Variants in TENM3 observed in about 807,000 individuals in gnomAD.
The protein encoded by TENM3 is teneurin transmembrane protein 3.
Under a neutral mutation model 255.1 loss-of-function variants are expected in TENM3, and 63 were observed. The ratio of observed to expected loss-of-function variants is 0.25; its 90% CI spans 0.20 to 0.30. The LOEUF is 0.30. Among genes scored for constraint, TENM3 ranks in the 10% least tolerant of loss-of-function variants. The pLI is 1.00. For missense variants in TENM3, 2,929 were observed against 3,461.1 expected (o/e 0.85, Z 3.86); for synonymous variants, 1,306 against 1,322.3 (o/e 0.99, Z 0.27).
At chr4:181,622,978 T>A in the TENM3 span, among the ~76,000 whole-genome samples, 7 of 152,150 alleles carry the variant, frequency 4.6e-5, no homozygotes, top group Admixed American at 3.3e-4. Flanking sequence ...GGCATTACAT[T>A]TTTTAGAAAT....
chr4:182,710,913 G>C (rs1225833445), intron 12 of TENM3, among the ~76,000 whole-genome samples: 4 of 152,134 alleles, frequency 2.6e-5, no homozygotes, highest in Non-Finnish European at 4.4e-5. Context: ...TACAGAAAAA[G>C]ATTCAGTCTT....
chr4:181,497,869 C>T, the TENM3 span, among the ~76,000 whole-genome samples: 1 of 152,222 alleles, frequency 6.6e-6, no homozygotes, highest in East Asian at 1.9e-4. Flanking sequence ...AGGTATTCCA[C>T]TAAAAAGAAA....
chr4:181,686,048 G>A, the TENM3 span, among the ~76,000 whole-genome samples: 4 of 152,140 alleles, frequency 2.6e-5, no homozygotes, highest in African/African-American at 9.7e-5. Context: ...GGATCAGTAT[G>A]CATATTTTTT....
chr4:182,335,750 A>G (rs1764096657), intron 2 of TENM3, among the ~76,000 whole-genome samples: 1 of 152,154 alleles, frequency 6.6e-6, no homozygotes. Flanking sequence ...AAACAAAATC[A>G]CTACATTGGG....
the TENM3 span, among the ~76,000 whole-genome samples, chr4:181,652,477 G>C: frequency 1.8e-4 from 27 of 152,198 alleles, no homozygotes; most frequent in African/African-American, 6.5e-4. Flanking sequence ...CCTCCAAAAT[G>C]CTCTTCATCT....
chr4:182,702,356 T>C (rs1383870270), intron 12 of TENM3, among the ~76,000 whole-genome samples: 1 of 152,190 alleles, frequency 6.6e-6, no homozygotes, highest in Non-Finnish European at 1.5e-5. Context: ...CTTCTCCTGC[T>C]GGTATGGAGC....
chr4:182,564,860 T>C (rs1057339749), intron 3 of TENM3, among the ~76,000 whole-genome samples: 23 of 152,220 alleles, frequency 1.5e-4, no homozygotes, highest in Admixed American at 1.4e-3. Flanking sequence ...AGTGTAATTT[T>C]TAAATATACA....
the TENM3 span, among the ~76,000 whole-genome samples, chr4:182,033,520 C>T: frequency 0.036 from 5,506 of 152,122 alleles, 144 homozygotes; most frequent in Middle Eastern, 0.068. Context: ...TGTTGTTTTT[C>T]GAGGGAGAGT....
At chr4:182,536,084 T>C (rs1740280078) in intron 3 of TENM3, among the ~76,000 whole-genome samples, 2 of 152,210 alleles carry the variant, frequency 1.3e-5, no homozygotes, top group Admixed American at 6.5e-5. Context: ...CGAACAAATA[T>C]GGTGTATTTT....
rs553324524 is a variant in TENM3, at chr4:182,622,278, C to T, written c.750-6373C>T. ...GGAGGCTGAGGCTCCTCCCAGGAGG[C>T]GGAGGTTGCAGTGAGCCGAGATCAC... is the stretch of plus-strand genomic sequence containing the variant. On this transcript the variant is annotated intron_variant, in intron 4 of 27. Coordinates refer to ENST00000511685, the MANE Select transcript of TENM3 (RefSeq NM_001080477.4). 1.7e-4 allele frequency among the ~76,000 whole-genome samples: 25 copies of T among 149,556 alleles called. No individual in the cohort carries two copies. In the East Asian group the frequency reaches 2.6e-3, roughly 15 times the overall value.
At chr4:181,619,850 T>G in the TENM3 span, among the ~76,000 whole-genome samples, 177 of 152,340 alleles carry the variant, frequency 1.2e-3, 1 homozygote, top group African/African-American at 4.0e-3. Flanking sequence ...GGAGCAGGTG[T>G]GTTACTGCTT....
chr4:182,358,481 T>C (rs1580279211), intron 3 of TENM3, among the ~76,000 whole-genome samples: 1 of 147,966 alleles, frequency 6.8e-6, no homozygotes, highest in South Asian at 2.2e-4. Context: ...TTTGAAACAA[T>C]TGTGAATGGG....
At chr4:182,781,212 T>C (rs1485529380) in intron 24 of TENM3, among the ~76,000 whole-genome samples, 4 of 151,082 alleles carry the variant, frequency 2.6e-5, no homozygotes, top group African/African-American at 9.7e-5. Context: ...ATAGCTCTTA[T>C]TATTTTGAGA....
At chr4:182,336,186 T>A (rs1218753941) in intron 2 of TENM3, among the ~76,000 whole-genome samples, 1 of 152,186 alleles carries the variant, frequency 6.6e-6, no homozygotes, top group Non-Finnish European at 1.5e-5. Flanking sequence ...CAGTTCTTCA[T>A]TCAGACACAG....
At chr4:181,721,143 A>G in the TENM3 span, among the ~76,000 whole-genome samples, 2 of 151,988 alleles carry the variant, frequency 1.3e-5, no homozygotes, top group Non-Finnish European at 2.9e-5. Flanking sequence ...AGGGGGGAAC[A>G]TTATGTACAA....
chr4:181,870,886 T>A, the TENM3 span, among the ~76,000 whole-genome samples: 57 of 152,134 alleles, frequency 3.7e-4, no homozygotes, highest in African/African-American at 1.2e-3. Context: ...AATACCAGGT[T>A]TGAAAATCTT....
the TENM3 span, among the ~76,000 whole-genome samples, chr4:181,818,945 G>A: frequency 6.6e-6 from 1 of 152,076 alleles, no homozygotes; most frequent in African/African-American, 2.4e-5. Flanking sequence ...TTGTTTCTCT[G>A]GTTGAACCTG....
chr4:182,131,439 C>A, the TENM3 span, among the ~76,000 whole-genome samples: 1 of 152,100 alleles, frequency 6.6e-6, no homozygotes, highest in African/African-American at 2.4e-5. Context: ...AAATCAAAAA[C>A]CTCACCCACG....
At chr4:181,620,829 T>G in the TENM3 span, among the ~76,000 whole-genome samples, 1 of 152,342 alleles carries the variant, frequency 6.6e-6, no homozygotes, top group South Asian at 2.1e-4. Context: ...AAATGTGAAC[T>G]GTTATTATGT....
Sources: gnomAD v4.1 joint callset for allele counts (sites outside exome capture counted in the v4.1 genomes callset) on GRCh38, gnomAD v4.1.1 for gene constraint, MANE v1.5 for transcripts, NCBI Gene and HGNC (gene_info 2026-07-23, HGNC 2026-07-21) for gene names.